STK24: variants seen among roughly 807,000 people sequenced by gnomAD.
The protein encoded by STK24 is serine/threonine-protein kinase 24.
In STK24, 21 loss-of-function variants were observed where a neutral mutation model predicts 55.6. The ratio of observed to expected loss-of-function variants is 0.38; its 90% confidence interval spans 0.27 to 0.54. The LOEUF is 0.54. Ranked by LOEUF, STK24 falls within the 20% of genes least tolerant of loss-of-function variation. The probability of loss-of-function intolerance (pLI) is 0.79; values close to 1 mark genes in which losing one functional copy is unlikely to be tolerated. For missense variants in STK24, 383 were observed against 538.4 expected, an observed-to-expected ratio of 0.71 and a Z score of 2.86; for synonymous variants, 200 against 215.2, an observed-to-expected ratio of 0.93 and a Z score of 0.62.
At chr13:98,547,868 C>T (rs752120030) in intron 1 of STK24, among the ~76,000 whole-genome samples, 43 of 152,356 alleles carry the variant, frequency 2.8e-4, no homozygotes, top group Non-Finnish European at 5.6e-4. Flanking sequence ...TTCACCTTCT[C>T]ATCTCCAGTA....
At chr13:98,465,705 G>C (rs999726262) in intron 6 of STK24, among the ~76,000 whole-genome samples, 1 of 152,224 alleles carries the variant, frequency 6.6e-6, no homozygotes, top group African/African-American at 2.4e-5. Flanking sequence ...AAGAAAAGGG[G>C]GGCTCAGCTT....
At chr13:98,570,304 C>T (rs1409186329) in intron 1 of STK24, among the ~76,000 whole-genome samples, 1 of 152,158 alleles carries the variant, frequency 6.6e-6, no homozygotes, top group Non-Finnish European at 1.5e-5. Flanking sequence ...TCTTTCCCAA[C>T]CAACCTTACA....
intron 5 of STK24, among the ~76,000 whole-genome samples, chr13:98,468,500 G>C (rs1894003301): frequency 6.6e-6 from 1 of 152,194 alleles, no homozygotes; most frequent in South Asian, 2.1e-4. Context: ...ACAGGAGTGA[G>C]CAGGCACAAG....
Position 98,524,320 on chromosome 13 carries a change from C to T in STK24, c.43-4847G>A, listed in dbSNP as rs1896357137. The stretch of plus-strand genomic sequence containing the variant: ...GCCTGTGGTTCCTGTGCTGGTGTAC[C>T]CTCTCCAAGGTCAAGCCTCAAGGGA... On this transcript the variant is annotated intron_variant, in intron 1 of 10. Coordinates refer to ENST00000539966, the MANE Select transcript of STK24 (RefSeq NM_001032296.4). Among the ~76,000 whole-genome samples, 5 of 152,112 alleles carry T rather than the reference C, an allele frequency of 3.3e-5. No homozygotes were observed. The South Asian group carries it at 1.0e-3, about 32-fold the overall frequency.
rs1348120094 is a variant in STK24, at chr13:98,448,396, A to AAATT, written c.*4773_*4776dup. On this transcript the variant is annotated 3_prime_UTR_variant, in exon 11 of 11. Transcript: ENST00000539966. Reference sequence around the variant, plus strand: ...TCTTCTGTATTAATGAAGCCTGGTAAAATTAACACCTGTCTGAAAATCAAA... The same window carrying AAATT: ...TCTTCTGTATTAATGAAGCCTGGTAAAATTAATTAACACCTGTCTGAAAATCAAA... 16 of 1,130,604 alleles carry AAATT rather than the reference A, an allele frequency of 1.4e-5. No homozygotes were observed. The highest frequency in any genetic ancestry group is 3.1e-5 in the African/African-American group (2 of 65,310). 70.0% of individuals were successfully genotyped at this position (1,130,604 alleles called of 1,614,324 possible).
At chr13:98,528,392 T>A (rs757419736) in intron 1 of STK24, among the ~76,000 whole-genome samples, 3 of 152,068 alleles carry the variant, frequency 2.0e-5, no homozygotes, top group Non-Finnish European at 4.4e-5. Flanking sequence ...CTCAGCCCAG[T>A]CTAGGTGGGG....
intron 1 of STK24, among the ~76,000 whole-genome samples, chr13:98,535,973 G>C (rs1896721047): frequency 6.6e-6 from 1 of 152,176 alleles, no homozygotes. Flanking sequence ...GACTATTCTA[G>C]AAGCCAGACC....
chr13:98,541,734 T>C (rs1255399773), intron 1 of STK24, among the ~76,000 whole-genome samples: 1 of 152,178 alleles, frequency 6.6e-6, no homozygotes, highest in Admixed American at 6.5e-5. Flanking sequence ...TTGAACCAGT[T>C]TGTCTCAACA....
intron 1 of STK24, among the ~76,000 whole-genome samples, chr13:98,552,684 T>C (rs1241719424): frequency 6.6e-6 from 1 of 152,100 alleles, no homozygotes; most frequent in Non-Finnish European, 1.5e-5. Context: ...GGCAGCTTTC[T>C]GAGTGGCAGA....
chr13:98,497,829 C>T (rs1002528047), intron 2 of STK24, among the ~76,000 whole-genome samples: 1 of 152,154 alleles, frequency 6.6e-6, no homozygotes, highest in African/African-American at 2.4e-5. Context: ...CAACAGGGTA[C>T]AGCGTCCTGG....
chr13:98,485,466 A>G (rs1279027250), intron 2 of STK24, among the ~76,000 whole-genome samples: 1 of 152,196 alleles, frequency 6.6e-6, no homozygotes, highest in East Asian at 1.9e-4. Context: ...GGCCTGCAAA[A>G]TATCTCAGGC....
chr13:98,565,393 G>T (rs1201516860), intron 1 of STK24, among the ~76,000 whole-genome samples: 1 of 152,062 alleles, frequency 6.6e-6, no homozygotes, highest in East Asian at 1.9e-4. Flanking sequence ...TCTGGAAGGC[G>T]AAGGCGAGAG....
intron 1 of STK24, among the ~76,000 whole-genome samples, chr13:98,574,487 T>A (rs1897826523): frequency 6.6e-6 from 1 of 152,234 alleles, no homozygotes; most frequent in South Asian, 2.1e-4. Context: ...CCCAGGGCAG[T>A]AGCAACTGCT....
intron 7 of STK24, among the ~76,000 whole-genome samples, chr13:98,462,772 G>A (rs901159053): frequency 5.9e-5 from 9 of 152,154 alleles, no homozygotes; most frequent in African/African-American, 1.9e-4. Context: ...ACTCACACAC[G>A]GTTCACCCCA....
intron 1 of STK24, among the ~76,000 whole-genome samples, chr13:98,565,241 C>G (rs527521755): frequency 6.6e-6 from 1 of 152,112 alleles, no homozygotes; most frequent in Non-Finnish European, 1.5e-5. Flanking sequence ...AAACTCCCTC[C>G]GAGACGCCCA....
rs868389988 is a variant in STK24, at chr13:98,448,168, G to A, written c.*5005C>T. ...GACTTCACCTTGTGTTTCTGTAAGC[G>A]ATGCCCACCAAAGTGTCAGGAGTCC... On this transcript the variant is annotated 3_prime_UTR_variant, in exon 11 of 11. Coordinates refer to ENST00000539966, the MANE Select transcript of STK24 (RefSeq NM_001032296.4). 5 of 1,330,228 alleles carry A rather than the reference G, an allele frequency of 3.8e-6. No homozygotes were observed. The highest frequency in any genetic ancestry group is 2.3e-4 in the Middle Eastern group (1 of 4,320). 82.4% of individuals were successfully genotyped at this position (1,330,228 alleles called of 1,614,324 possible).
At position 98,453,199 on chromosome 13, in the gene STK24, T is replaced by G; in HGVS notation, c.1270A>C (p.Ser424Arg). 2 of 1,613,348 alleles carry G rather than the reference T, an allele frequency of 1.2e-6. No individual in the cohort carries two copies. Among genetic ancestry groups the G allele is most frequent in the Non-Finnish European group, 1.7e-6 (2 of 1,179,728 alleles). Residue 424 changes from serine (S) to arginine (R), a missense_variant, in exon 11 of 11, where the codon AGT becomes CGT. Ser to Arg is a moderately radical substitution (Grantham distance 110). Transcript: ENST00000539966. Reference sequence around the variant, plus strand: ...CAGTGGGATGAAGTTCCTCCACCACTTAGAGAGTATCTAGGGAAAAAGAGA... The same window carrying G: ...CAGTGGGATGAAGTTCCTCCACCACGTAGAGAGTATCTAGGGAAAAAGAGA... ...LVQRLQRYSLSGGGTSSH is the reference protein window; with the variant it reads ...LVQRLQRYSLRGGGTSSH
chr13:98,494,576 A>T (rs1453804705), intron 2 of STK24, among the ~76,000 whole-genome samples: 1 of 152,142 alleles, frequency 6.6e-6, no homozygotes, highest in Non-Finnish European at 1.5e-5. Context: ...ACAGCTTCCA[A>T]AGGAAGGGAC....
chr13:98,513,397 T>C (rs1166440792), intron 2 of STK24, among the ~76,000 whole-genome samples: 2 of 152,220 alleles, frequency 1.3e-5, no homozygotes, highest in Non-Finnish European at 2.9e-5. Flanking sequence ...GGTGAGTCCC[T>C]GTGTGGAGCC....
Sources: gnomAD v4.1 joint callset for allele counts (sites outside exome capture counted in the v4.1 genomes callset) on GRCh38, gnomAD v4.1.1 for gene constraint, MANE v1.5 for transcripts, NCBI Gene and HGNC (gene_info 2026-07-23, HGNC 2026-07-21) for gene names.